Variants in KAZN observed in about 807,000 individuals in gnomAD.
KAZN encodes the protein kazrin.
A neutral mutation model predicts 87.4 loss-of-function variants in KAZN; 40 were observed. The ratio of observed to expected loss-of-function variants is 0.46; its 90% CI spans 0.36 to 0.60. The LOEUF (loss-of-function observed/expected upper bound fraction) is 0.60. Among genes scored for constraint, KAZN ranks in the 20% least tolerant of loss-of-function variants. KAZN has a pLI of 0.00. For missense variants in KAZN, 898 were observed against 1,073.9 expected, an observed-to-expected ratio of 0.84 and a Z score of 2.29; for synonymous variants, 466 against 458.3, an observed-to-expected ratio of 1.02 and a Z score of -0.22.
In KAZN at chr1:13,990,984, A is replaced by G. The variant is rs1479670673; in HGVS notation, c.91+97228A>G. Among the ~76,000 whole-genome samples, 458 of 152,278 alleles carry G rather than the reference A, an allele frequency of 3.0e-3. 5 individuals are homozygous for G. The highest frequency in any genetic ancestry group is 5.4e-4 in the Non-Finnish European group (37 of 68,020). On this transcript the variant is annotated intron_variant, in intron 1 of 16. Transcript: ENST00000636203. ...AAAAGTTTGGTGACTTATAACAACTATTATTTTTCCGAGCTCTGTGGTTTG... is the reference window on the plus strand; with the variant it reads ...AAAAGTTTGGTGACTTATAACAACTGTTATTTTTCCGAGCTCTGTGGTTTG...
Position 14,619,603 on chromosome 1 carries a change from G to A in KAZN, c.226+20380G>A, listed in dbSNP as rs148987095. Among the ~76,000 whole-genome samples the A allele has an allele frequency of 5.0e-3, 766 of 152,132 alleles. 13 individuals carry two copies. The highest frequency in any genetic ancestry group is 0.018 in the African/African-American group (734 of 41,482). ...TCACTGGCGTTAAAAGTACTTTCAC[G>A]ATGTTTTGCAACCCGTGCCACTATC... On this transcript the variant is annotated intron_variant, in intron 1 of 14. Coordinates refer to ENST00000376030, the MANE Select transcript of KAZN (RefSeq NM_201628.3).
chr1:15,033,584 T>C (rs1671953737), intron 2 of KAZN, among the ~76,000 whole-genome samples: 1 of 152,232 alleles, frequency 6.6e-6, no homozygotes, highest in African/African-American at 2.4e-5. Context: ...CCCTTGCTAT[T>C]GTCTGTTTTC....
At chr1:14,468,813 C>T (rs561872123) in intron 2 of KAZN, among the ~76,000 whole-genome samples, 1 of 152,184 alleles carries the variant, frequency 6.6e-6, no homozygotes, top group Middle Eastern at 3.2e-3. Flanking sequence ...GGCATCTCTG[C>T]GGGTAGGCAT....
rs749406147 is a variant in KAZN at position 15,101,717 on chromosome 1, C to A, written c.1722C>A (p.His574Gln). The A allele has an allele frequency of 6.3e-7, 1 of 1,595,210 alleles. No individual in the cohort carries two copies. Among genetic ancestry groups the A allele is most frequent in the East Asian group, 2.3e-5 (1 of 43,986 alleles). Residue 574 changes from histidine to glutamine, a missense_variant, in exon 11 of 15, where the codon CAC (histidine) becomes CAA (glutamine). Transcript: ENST00000376030. ...ACCTGAACGTGTCCAAGAAGTTCCA[C>A]CAGGTCAGCATCCTGCTGGGGATCG... Reference protein sequence around the residue: ...EKHLNVSKKFHQVSILLGIEL... With the variant: ...EKHLNVSKKFQQVSILLGIEL...
In KAZN at chr1:14,372,452, T is replaced by C. The variant is rs184746370; in HGVS notation, c.249+191860T>C. On this transcript the variant is annotated intron_variant, in intron 2 of 16. Coordinates refer to the KAZN transcript ENST00000636203. ...ATTTGGGCCAGATAATTCTCTGATG[T>C]GAGGGGCTGTCCTGTATGTTGCAGG... Among the ~76,000 whole-genome samples, 155 of 152,316 alleles carry C rather than the reference T, an allele frequency of 1.0e-3. 3 individuals carry two copies. The highest frequency in any genetic ancestry group is 0.01 in the Admixed American group (153 of 15,296).
intron 2 of KAZN, among the ~76,000 whole-genome samples, chr1:14,522,503 C>T (rs756829649): frequency 1.3e-5 from 2 of 152,134 alleles, no homozygotes; most frequent in African/African-American, 4.8e-5. Flanking sequence ...CTGCAAATCA[C>T]GTCATCATCT....
At position 15,103,448 on chromosome 1, in the gene KAZN, C is replaced by G; in HGVS notation, c.1869C>G (p.Asp623Glu). 6.4e-7 allele frequency: 1 copy of G among 1,551,642 alleles called. No individual in the cohort carries two copies. Among genetic ancestry groups the G allele is most frequent in the Non-Finnish European group, 8.7e-7 (1 of 1,146,918 alleles). Residue 623 changes from aspartate to glutamate, a missense_variant, in exon 12 of 15, where the codon GAC (aspartate) becomes GAG (glutamate). By Grantham distance (45) the Asp-to-Glu change is conservative. Around this residue, in one of 3 missense-constraint regions of KAZN, gnomAD observed 521 missense variants for 689.4 expected, o/e 0.76. Transcript: ENST00000376030. ...AGCGGGTGCTCAAGTGGGTTCGAGA[C>G]ATCGACCTGAAGGTGAGGGTGATAG... The part of the protein sequence containing the change: ...TNQRVLKWVR[D>E]IDLKEYADNL...
intron 2 of KAZN, among the ~76,000 whole-genome samples, chr1:14,503,019 C>T (rs1670346978): frequency 6.6e-6 from 1 of 152,110 alleles, no homozygotes; most frequent in East Asian, 1.9e-4. Flanking sequence ...GTCTTTCAGA[C>T]CCAAATGAAT....
chr1:14,487,080 C>A (rs925172042), intron 2 of KAZN, among the ~76,000 whole-genome samples: 1 of 152,182 alleles, frequency 6.6e-6, no homozygotes, highest in African/African-American at 2.4e-5. Context: ...GTGGTGAGTT[C>A]TTTCCTGGCA....
intron 1 of KAZN, among the ~76,000 whole-genome samples, chr1:14,685,856 T>C (rs562090346): frequency 6.6e-6 from 1 of 152,182 alleles, no homozygotes; most frequent in Middle Eastern, 3.2e-3. Context: ...CAGCTATGGC[T>C]TCTGTGTGTG....
intron 2 of KAZN, among the ~76,000 whole-genome samples, chr1:14,997,011 T>C (rs3902772): frequency 0.36 from 54,318 of 151,792 alleles, 11,482 homozygotes; most frequent in African/African-American, 0.59. Context: ...GTGCTTTTTT[T>C]CCCCAGCATT....
intron 2 of KAZN, among the ~76,000 whole-genome samples, chr1:14,521,313 A>G (rs917879317): frequency 1.3e-5 from 2 of 152,132 alleles, no homozygotes; most frequent in African/African-American, 2.4e-5. Flanking sequence ...TTAAACAGAA[A>G]TGTCGCCCTC....
chr1:14,458,043 C>A (rs1329320846), intron 2 of KAZN, among the ~76,000 whole-genome samples: 1 of 152,084 alleles, frequency 6.6e-6, no homozygotes, highest in African/African-American at 2.4e-5. Context: ...AGGATGGTCT[C>A]AATCTCCTAA....
At position 15,008,443 on chromosome 1, in the gene KAZN, G is replaced by A. The variant is rs143091010; in HGVS notation, c.419-26306G>A. ...AGCCTTACTTTCTCATTCATCAGATGGGAACACTGGTACTCAGTAGGTTGT... is the reference window on the plus strand; with the variant it reads ...AGCCTTACTTTCTCATTCATCAGATAGGAACACTGGTACTCAGTAGGTTGT... On this transcript the variant is annotated intron_variant, in intron 2 of 14. Coordinates refer to ENST00000376030, the MANE Select transcript of KAZN (RefSeq NM_201628.3). Among the ~76,000 whole-genome samples the A allele has an allele frequency of 3.6e-3, 548 of 152,328 alleles. 4 individuals are homozygous for A. The highest frequency in any genetic ancestry group is 0.02 in the Middle Eastern group (6 of 294).
At chr1:14,642,304 G>T (rs1364022344) in intron 1 of KAZN, among the ~76,000 whole-genome samples, 1 of 152,226 alleles carries the variant, frequency 6.6e-6, no homozygotes, top group East Asian at 1.9e-4. Context: ...GCAGGCTGAG[G>T]CAGGAGAATT....
intron 2 of KAZN, among the ~76,000 whole-genome samples, chr1:14,391,211 G>T (rs1038430045): frequency 2.4e-4 from 37 of 152,184 alleles, no homozygotes; most frequent in African/African-American, 8.7e-4. Context: ...CACACTCCCT[G>T]GGCTGTCTTT....
intron 1 of KAZN, among the ~76,000 whole-genome samples, chr1:13,922,888 C>T (rs75193428): frequency 1.9e-4 from 29 of 152,116 alleles, no homozygotes; most frequent in African/African-American, 3.9e-4. Context: ...TATAGTTTAG[C>T]GCTTAGAACA....
chr1:14,124,695 C>T (rs1339208290), intron 1 of KAZN, among the ~76,000 whole-genome samples: 4 of 115,464 alleles, frequency 3.5e-5, no homozygotes, highest in Admixed American at 2.0e-4. Context: ...TCAGTCCCCT[C>T]GAGTGCTGGC....
At chr1:14,840,098 A>C (rs539028550) in intron 1 of KAZN, among the ~76,000 whole-genome samples, 243 of 150,812 alleles carry the variant, frequency 1.6e-3, no homozygotes, top group Non-Finnish European at 2.0e-3. Context: ...CTTCCTTCAC[A>C]TTGTGTTGTT....
Sources: gnomAD v4.1 joint callset for allele counts (sites outside exome capture counted in the v4.1 genomes callset) on GRCh38, gnomAD v4.1.1 for gene constraint, gnomAD v4.1.1 regional missense constraint, MANE v1.5 for transcripts, NCBI Gene and HGNC (gene_info 2026-07-23, HGNC 2026-07-21) for gene names.